The following FRMD6 variants were observed in gnomAD, a reference collection of about 807,000 sequenced individuals.
The protein encoded by FRMD6 is FERM domain-containing protein 6.
In FRMD6, 37 loss-of-function variants were observed where a neutral mutation model predicts 73.2. The ratio of observed to expected loss-of-function variants is 0.51; its 90% CI spans 0.39 to 0.66. The LOEUF (loss-of-function observed/expected upper bound fraction) is 0.66. FRMD6 is among the 30% of genes least tolerant of loss of function. The pLI is 0.00. For synonymous variants in FRMD6, 273 were observed against 282.2 expected, an observed-to-expected ratio of 0.97 and a Z score of 0.33; for missense variants, 714 against 780.5, an observed-to-expected ratio of 0.91 and a Z score of 1.02.
chr14:51,522,793 T>C (rs1273299552), intron 1 of FRMD6: 1 of 152,190 alleles, frequency 6.6e-6, no homozygotes, highest in African/African-American at 2.4e-5. Context: ...CTAAAAGAAA[T>C]CCTACTTTGG....
the FRMD6 span, among the ~76,000 whole-genome samples, chr14:51,440,105 G>T: frequency 6.6e-6 from 1 of 151,790 alleles, no homozygotes; most frequent in Non-Finnish European, 1.5e-5. Context: ...ATAAGAAAGC[G>T]CAGCGCCCTT....
intron 2 of FRMD6, among the ~76,000 whole-genome samples, chr14:51,693,034 A>G (rs1160138204): frequency 6.6e-6 from 1 of 152,148 alleles, no homozygotes; most frequent in East Asian, 1.9e-4. Flanking sequence ...TGGGTACTGA[A>G]TTTGTATTAG....
upstream of FRMD6, chr14:51,651,113 C>G (rs1235625826): frequency 6.5e-6 from 1 of 152,716 alleles, no homozygotes; most frequent in Non-Finnish European, 1.5e-5. Flanking sequence ...CTTTGCATCT[C>G]TCGCCCTCCA....
In FRMD6 at chr14:51,532,910, C is replaced by A. The variant is rs78302144; in HGVS notation, c.-209-37438C>A. 5.0e-3 allele frequency among the ~76,000 whole-genome samples: 755 copies of A among 152,360 alleles called. 8 individuals are homozygous for A. Among genetic ancestry groups the A allele is most frequent in the African/African-American group, 0.017 (704 of 41,572 alleles). On this transcript the variant is annotated intron_variant, in intron 1 of 14. Transcript: ENST00000356218. ...TTTGTAAATCTTTGTCAACCCAGTG[C>A]TCAGCACATGGCCTGGCACTTAGTG...
intron 1 of FRMD6, among the ~76,000 whole-genome samples, chr14:51,555,873 G>C (rs748647387): frequency 2.1e-4 from 32 of 151,894 alleles, no homozygotes; most frequent in Non-Finnish European, 1.0e-4. Context: ...TACTGTTGAA[G>C]TTGCTGTTAA....
intron 1 of FRMD6, among the ~76,000 whole-genome samples, chr14:51,543,367 T>C (rs1187199314): frequency 6.6e-6 from 1 of 152,034 alleles, no homozygotes; most frequent in African/African-American, 2.4e-5. Flanking sequence ...ATTTTGATTA[T>C]AAATAAATTT....
At chr14:51,675,497 C>T (rs1894319717) in intron 1 of FRMD6, among the ~76,000 whole-genome samples, 1 of 151,972 alleles carries the variant, frequency 6.6e-6, no homozygotes, top group Non-Finnish European at 1.5e-5. Flanking sequence ...ATAATAAAGC[C>T]ATATATAAAA....
At chr14:51,469,624 A>G in the FRMD6 span, among the ~76,000 whole-genome samples, 1 of 151,324 alleles carries the variant, frequency 6.6e-6, no homozygotes, top group East Asian at 1.9e-4. Context: ...AAAAGAAAAA[A>G]AAAAAAAAAA....
At chr14:51,460,093 G>A in the FRMD6 span, among the ~76,000 whole-genome samples, 1 of 151,934 alleles carries the variant, frequency 6.6e-6, no homozygotes, top group Non-Finnish European at 1.5e-5. Flanking sequence ...CATGTATAAT[G>A]TGTTTATTCA....
At chr14:51,553,690 T>C (rs1013362523) in intron 1 of FRMD6, among the ~76,000 whole-genome samples, 1 of 152,156 alleles carries the variant, frequency 6.6e-6, no homozygotes, top group African/African-American at 2.4e-5. Context: ...TACTGATCAG[T>C]TCTAAGAGAC....
At chr14:51,433,055 A>G in the FRMD6 span, among the ~76,000 whole-genome samples, 1 of 152,232 alleles carries the variant, frequency 6.6e-6, no homozygotes, top group East Asian at 1.9e-4. Flanking sequence ...AAAATTAATA[A>G]ATTTTACAAC....
At chr14:51,689,643 A>G (rs1001066121) in intron 1 of FRMD6, 48 bp from the exon 2 acceptor site, 22 of 589,400 alleles carry the variant, frequency 3.7e-5, no homozygotes, top group Admixed American at 2.4e-4. Context: ...CGCTCTTCGC[A>G]GTCTTCACCG....
At chr14:51,622,428 C>T (rs1057483838) in intron 2 of FRMD6, among the ~76,000 whole-genome samples, 2 of 152,134 alleles carry the variant, frequency 1.3e-5, no homozygotes, top group Non-Finnish European at 2.9e-5. Flanking sequence ...CTAAAGGTAG[C>T]TCTAGAGAAG....
At chr14:51,420,737 A>T in the FRMD6 span, among the ~76,000 whole-genome samples, 1 of 152,158 alleles carries the variant, frequency 6.6e-6, no homozygotes, top group East Asian at 1.9e-4. Context: ...ATAAAGGGTG[A>T]TGTGTGTAGG....
chr14:51,520,605 G>T (rs8022452), intron 1 of FRMD6, among the ~76,000 whole-genome samples: 87,931 of 152,000 alleles, frequency 0.58, 26,506 homozygotes, highest in African/African-American at 0.74. Context: ...AAAATCAGCA[G>T]TTAAAACAAG....
the FRMD6 span, among the ~76,000 whole-genome samples, chr14:51,473,824 CTTT>C: frequency 4.2e-5 from 6 of 144,440 alleles, no homozygotes; most frequent in Non-Finnish European, 6.1e-5. Context: ...GCTTTCTTTA[CTTT>C]TTTTTTTTTT....
rs1343698587 is a variant in FRMD6, at chr14:51,729,600, CTA to C, written c.*1577_*1578del. ...TATCTGCCCAGTTTTATTAAAAAAA[CTA>C]TATATTATTTTCTAAAGAAACAATC... On this transcript the variant is annotated 3_prime_UTR_variant, in exon 14 of 14. Transcript: ENST00000344768. 3.9e-5 allele frequency: 6 copies of C among 152,464 alleles called. No homozygotes were observed. Among genetic ancestry groups the C allele is most frequent in the Non-Finnish European group, 8.8e-5 (6 of 68,008 alleles). The allele number at this position is 152,464 out of a possible 1,614,324, so 9.4% of individuals were successfully genotyped here. A position where few individuals can be genotyped will look rare whatever the true frequency, so the allele number is the denominator to read the frequency against.
chr14:51,447,419 G>A, the FRMD6 span, among the ~76,000 whole-genome samples: 1 of 152,118 alleles, frequency 6.6e-6, no homozygotes, highest in African/African-American at 2.4e-5. Context: ...CAGTGCACAA[G>A]CCTGAACACC....
chr14:51,489,810 A>T (rs1882889315), intron 1 of FRMD6, among the ~76,000 whole-genome samples: 2 of 152,224 alleles, frequency 1.3e-5, no homozygotes, highest in Non-Finnish European at 2.9e-5. Flanking sequence ...CACAGATGAT[A>T]ACCTGACCAG....
Sources: gnomAD v4.1 joint callset for allele counts (sites outside exome capture counted in the v4.1 genomes callset) on GRCh38, gnomAD v4.1.1 for gene constraint, MANE v1.5 for transcripts, NCBI Gene and HGNC (gene_info 2026-07-23, HGNC 2026-07-21) for gene names.